Variants in CNTNAP3B observed in about 807,000 individuals in gnomAD.
The protein encoded by CNTNAP3B is contactin-associated protein-like 3B.
Under a neutral mutation model 108.9 loss-of-function variants are expected in CNTNAP3B, and 25 were observed. The ratio of observed to expected loss-of-function variants is 0.23; its 90% confidence interval spans 0.17 to 0.32. The LOEUF (loss-of-function observed/expected upper bound fraction) is 0.32. Among genes scored for constraint, CNTNAP3B ranks in the 10% least tolerant of loss-of-function variants. CNTNAP3B has a pLI of 1.00. For synonymous variants in CNTNAP3B, 103 were observed against 473.4 expected, an observed-to-expected ratio of 0.22 and a Z score of 10.16; for missense variants, 252 against 1,210.4, an observed-to-expected ratio of 0.21 and a Z score of 11.75.
At chr9:41,940,169 G>T (rs1824291374) in intron 13 of CNTNAP3B, among the ~76,000 whole-genome samples, 1 of 152,402 alleles carries the variant, frequency 6.6e-6, no homozygotes, top group South Asian at 2.1e-4. Context: ...AGAACAAAGT[G>T]TGCTGAAAGA....
At chr9:41,966,295 C>G (rs1396596638) in intron 10 of CNTNAP3B, among the ~76,000 whole-genome samples, 1 of 152,296 alleles carries the variant, frequency 6.6e-6, no homozygotes, top group Non-Finnish European at 1.5e-5. Flanking sequence ...TGTTTGATAT[C>G]AACAGGGAGA....
intron 13 of CNTNAP3B, among the ~76,000 whole-genome samples, chr9:41,950,254 G>A (rs1824635258): frequency 1.7e-5 from 1 of 57,992 alleles, no homozygotes; most frequent in Non-Finnish European, 3.6e-5. Context: ...AAATGCGGAT[G>A]AGCATGTGGA....
Position 42,012,210 on chromosome 9 carries a change from C to A in CNTNAP3B, c.538+1168G>T, listed in dbSNP as rs557527790. 1.9e-4 allele frequency among the ~76,000 whole-genome samples: 22 copies of A among 118,460 alleles called. 1 individual carries two copies. Among genetic ancestry groups the A allele is most frequent in the African/African-American group, 6.4e-4 (19 of 29,522 alleles). The allele number at this position is 118,460 out of a possible 152,430, so 77.7% of individuals were successfully genotyped here. A position where few individuals can be genotyped will look rare whatever the true frequency, so the allele number is the denominator to read the frequency against. On this transcript the variant is annotated intron_variant, in intron 4 of 23. Transcript: ENST00000377561. ...GTAATGAGAGGAGAAGGTAACTTCA[C>A]AGCATCAAAGAGAAATTCTAAATAT... is the stretch of plus-strand genomic sequence containing the variant.
chr9:42,071,389 G>A (rs1389471962), intron 3 of CNTNAP3B, among the ~76,000 whole-genome samples: 10 of 139,616 alleles, frequency 7.2e-5, no homozygotes, highest in Non-Finnish European at 1.2e-4. Flanking sequence ...TACAAAGGAT[G>A]GATCTTGCTT....
chr9:41,961,523 G>A (rs1365354407), intron 11 of CNTNAP3B, among the ~76,000 whole-genome samples: 1 of 152,198 alleles, frequency 6.6e-6, no homozygotes, highest in Non-Finnish European at 1.5e-5. Flanking sequence ...CACATTAAAA[G>A]GCCTAAATAA....
In CNTNAP3B at chr9:42,042,341, A is replaced by C. The variant is rs965461404; in HGVS notation, c.391-28816T>G. On this transcript the variant is annotated intron_variant, in intron 3 of 23. Transcript: ENST00000377561. ...AGAGTTGTCAATTTTCGCTCTTATA[A>C]ACAATGCTGCAACCCTGTAAATATG... Among the ~76,000 whole-genome samples the C allele has an allele frequency of 6.9e-5, 9 of 130,492 alleles. 1 individual carries two copies. Among genetic ancestry groups the C allele is most frequent in the African/African-American group, 2.8e-4 (9 of 32,238 alleles). 85.6% of individuals were successfully genotyped at this position (130,492 alleles called of 152,430 possible).
intron 1 of CNTNAP3B, among the ~76,000 whole-genome samples, chr9:42,109,198 C>T (rs1198974468): frequency 2.2e-5 from 3 of 138,848 alleles, no homozygotes; most frequent in African/African-American, 8.6e-5. Flanking sequence ...AGTCCAGAAT[C>T]TAACATGGGA....
At chr9:41,961,954 TG>T (rs1564160212) in intron 11 of CNTNAP3B, among the ~76,000 whole-genome samples, 1 of 152,304 alleles carries the variant, frequency 6.6e-6, no homozygotes, top group Non-Finnish European at 1.5e-5. Flanking sequence ...TATTTGTATA[TG>T]TCTGGTAGGA....
intron 2 of CNTNAP3B, among the ~76,000 whole-genome samples, chr9:42,078,507 G>A (rs1827539202): frequency 7.3e-6 from 1 of 137,908 alleles, no homozygotes. Context: ...TGTTTGTTTT[G>A]CTTTTTATTG....
intron 2 of CNTNAP3B, among the ~76,000 whole-genome samples, chr9:42,104,300 A>T (rs1398675122): frequency 3.3e-5 from 2 of 61,004 alleles, no homozygotes; most frequent in Non-Finnish European, 7.4e-5. Context: ...CAAGGTAAAA[A>T]AAAAAAGGAC....
Position 41,992,028 on chromosome 9 carries a change from C to T in CNTNAP3B, c.1072-157G>A, listed in dbSNP as rs1825819538. On this transcript the variant is annotated intron_variant, in intron 7 of 23. Transcript: ENST00000377561. The stretch of plus-strand genomic sequence containing the variant: ...CTATGACATTTATCTTCTCTTTCAA[C>T]ATAAGTATTATTATAATTGGGCAGA... Among the ~76,000 whole-genome samples the T allele has an allele frequency of 1.4e-5, 2 of 138,784 alleles. 1 individual carries two copies. Among genetic ancestry groups the T allele is most frequent in the East Asian group, 4.4e-4 (2 of 4,570 alleles). 91.0% of individuals were successfully genotyped at this position (138,784 alleles called of 152,430 possible).
rs1487207105 is a variant in CNTNAP3B at position 42,118,202 on chromosome 9, A to C, written c.85+10808T>G. On this transcript the variant is annotated intron_variant, in intron 1 of 23. Coordinates refer to ENST00000377561, the MANE Select transcript of CNTNAP3B (RefSeq NM_001201380.3). ...GAGGCCAGCATCATCCTGATACCAA[A>C]GCCTGGCAGAGACACAAACAAAAAA... Among the ~76,000 whole-genome samples, 8 of 139,728 alleles carry C rather than the reference A, an allele frequency of 5.7e-5. 2 individuals are homozygous for C. In the East Asian group the frequency reaches 6.5e-4, roughly 11 times the overall value. 91.7% of individuals were successfully genotyped at this position (139,728 alleles called of 152,430 possible).
chr9:41,980,794 T>A (rs1485244202), intron 9 of CNTNAP3B: 1 of 121,410 alleles, frequency 8.2e-6, no homozygotes, highest in Non-Finnish European at 1.7e-5. Flanking sequence ...TCATACTGAA[T>A]GGGCAAAAGA....
At position 42,066,573 on chromosome 9, in the gene CNTNAP3B, C is replaced by T. The variant is rs555368630; in HGVS notation, c.390+10296G>A. On this transcript the variant is annotated intron_variant, in intron 3 of 23. Coordinates refer to ENST00000377561, the MANE Select transcript of CNTNAP3B (RefSeq NM_001201380.3). ...TTCCGAGTAGCTGGGATTACAGGCG[C>T]CTGCCACCACATCTGGCTAATTTTT... is the stretch of plus-strand genomic sequence containing the variant. Among the ~76,000 whole-genome samples the T allele has an allele frequency of 2.3e-5, 3 of 128,532 alleles. 1 individual carries two copies. The highest frequency in any genetic ancestry group is 9.5e-5 in the African/African-American group (3 of 31,480). The allele number at this position is 128,532 out of a possible 152,430, so 84.3% of individuals were successfully genotyped here.
rs573943378 is a variant in CNTNAP3B, at chr9:42,122,035, G to T, written c.85+6975C>A. On this transcript the variant is annotated intron_variant, in intron 1 of 23. Transcript: ENST00000377561. ...TGGGCACAGATGGATGTGTGCACAC[G>T]CAGTGGGTTACATGACAAGTGAGGA... Among the ~76,000 whole-genome samples, 4 of 139,824 alleles carry T rather than the reference G, an allele frequency of 2.9e-5. 1 individual carries two copies. Among genetic ancestry groups the T allele is most frequent in the Non-Finnish European group, 6.1e-5 (4 of 65,048 alleles). 91.7% of individuals were successfully genotyped at this position (139,824 alleles called of 152,430 possible). A position where few individuals can be genotyped will look rare whatever the true frequency, so the allele number is the denominator to read the frequency against.
chr9:41,979,150 T>C (rs1291230132), intron 9 of CNTNAP3B, among the ~76,000 whole-genome samples: 1 of 131,364 alleles, frequency 7.6e-6, no homozygotes, highest in Non-Finnish European at 1.6e-5. Context: ...TCCCTCTCTG[T>C]GTGTCTCTGC....
chr9:42,071,673 T>G (rs1827381629), intron 3 of CNTNAP3B, among the ~76,000 whole-genome samples: 1 of 132,848 alleles, frequency 7.5e-6, no homozygotes, highest in Non-Finnish European at 1.6e-5. Flanking sequence ...AGGTAAGAGA[T>G]GGTGGGCAAC....
intron 12 of CNTNAP3B, among the ~76,000 whole-genome samples, chr9:41,955,738 A>C (rs1824837702): frequency 6.6e-6 from 1 of 152,306 alleles, no homozygotes; most frequent in Admixed American, 6.5e-5. Flanking sequence ...CTAGCCCAGA[A>C]GGAGGGTAAC....
At chr9:42,127,302 G>C (rs1344987705) in intron 1 of CNTNAP3B, among the ~76,000 whole-genome samples, 1 of 138,708 alleles carries the variant, frequency 7.2e-6, no homozygotes, top group Non-Finnish European at 1.5e-5. Context: ...TAAATGAGAA[G>C]AGCTTAATTT....
Sources: allele counts gnomAD v4.1 joint callset (sites outside exome capture counted in the v4.1 genomes callset), GRCh38; gene constraint gnomAD v4.1.1; transcripts MANE v1.5; gene names NCBI Gene and HGNC (gene_info 2026-07-23, HGNC 2026-07-21).